The following SNCG variants were observed in gnomAD, a reference collection of about 807,000 sequenced individuals.
SNCG encodes synuclein gamma, also known as gamma-synuclein.
A neutral mutation model predicts 16.0 loss-of-function variants in SNCG; 13 were observed. That is an observed-to-expected ratio of 0.81 (90% CI 0.53 to 1.29). The LOEUF is 1.29. SNCG is among the 50% of genes most tolerant of loss of function. SNCG has a pLI of 0.00. For synonymous variants in SNCG, 66 were observed against 66.3 expected, an observed-to-expected ratio of 1.00 and a Z score of 0.02; for missense variants, 154 against 168.5, an observed-to-expected ratio of 0.91 and a Z score of 0.48.
upstream of SNCG, among the ~76,000 whole-genome samples, chr10:86,956,143 C>G (rs1223668757): frequency 6.6e-6 from 1 of 151,326 alleles, no homozygotes; most frequent in South Asian, 2.1e-4. Context: ...GCCCCTCCCC[C>G]GCCCCCTGCT....
Position 86,960,003 on chromosome 10 carries a change from G to A in SNCG, c.166G>A (p.Ala56Thr). 6.3e-7 allele frequency: 1 copy of A among 1,595,430 alleles called. No homozygotes were observed. ...GGCCAGCCAGTGTCCTCCCATAGTG[G>A]CCGAGAAGACCAAGGAGCAGGCCAA... Reference protein sequence around the residue: ...ENVVQSVTSVAEKTKEQANAV... With the variant: ...ENVVQSVTSVTEKTKEQANAV... Residue 56 changes from alanine (A) to threonine (T), a missense_variant and splice_region_variant, in exon 3 of 5, where the codon GCC becomes ACC. By Grantham distance (58) the Ala-to-Thr change is moderately conservative. Transcript: ENST00000372017.
In SNCG at chr10:86,959,493, T is replaced by G; in HGVS notation, c.122-140T>G. The G allele has an allele frequency of 1.4e-6, 1 of 714,010 alleles. No individual in the cohort carries two copies. Among genetic ancestry groups the G allele is most frequent in the East Asian group, 2.7e-5 (1 of 37,212 alleles). The allele number at this position is 714,010 out of a possible 1,614,324, so 44.2% of individuals were successfully genotyped here. A position where few individuals can be genotyped will look rare whatever the true frequency, so the allele number is the denominator to read the frequency against. On this transcript the variant is annotated intron_variant, in intron 1 of 4. Coordinates refer to ENST00000372017, the MANE Select transcript of SNCG (RefSeq NM_003087.3). This position sits in a 1 kb window ranked among gnomAD's most constrained non-coding sequence, Gnocchi z 4.3. ...CCAGACACAGCAGGAAGAGGCCCTC[T>G]GAAGGGGCCGCCGGCCCCCAGACAC...
intron 4 of SNCG, 100 bp downstream of exon 4, chr10:86,962,775 A>G: frequency 8.4e-7 from 1 of 1,195,598 alleles, no homozygotes; most frequent in African/African-American, 1.5e-5. Flanking sequence ...CAGGGCCCAG[A>G]GGGGCCTCCT....
At chr10:86,955,792 T>G (rs1278882632), upstream of SNCG, among the ~76,000 whole-genome samples, 1 of 152,054 alleles carries the variant, frequency 6.6e-6, no homozygotes, top group African/African-American at 2.4e-5. Flanking sequence ...CTTCTGGATG[T>G]GGGAAGGAGA....
rs1009390063 is a variant in SNCG at position 86,963,247 on chromosome 10, G to A, written c.*262G>A. On this transcript the variant is annotated 3_prime_UTR_variant, in exon 5 of 5. Coordinates refer to ENST00000372017, the MANE Select transcript of SNCG (RefSeq NM_003087.3). Reference sequence around the variant, plus strand: ...TTTTAAATGATTCCAAATAAAACTTGAGCCCACTCCTGCCATGCTTCCTCT... The same window carrying A: ...TTTTAAATGATTCCAAATAAAACTTAAGCCCACTCCTGCCATGCTTCCTCT... 73 of 405,196 alleles carry A rather than the reference G, an allele frequency of 1.8e-4. No homozygotes were observed. The highest frequency in any genetic ancestry group is 1.4e-3 in the African/African-American group (67 of 47,780). The allele number at this position is 405,196 out of a possible 1,614,324, so 25.1% of individuals were successfully genotyped here.
upstream of SNCG, chr10:86,957,327 T>G (rs764060589): frequency 6.3e-7 from 1 of 1,588,674 alleles, no homozygotes; most frequent in Non-Finnish European, 8.6e-7. Flanking sequence ...CTAGCTGAGC[T>G]GGGACTCAGA....
rs978190898 is a variant in SNCG at position 86,959,429 on chromosome 10, C to T, written c.122-204C>T. 2.3e-5 allele frequency: 14 copies of T among 606,730 alleles called. No homozygotes were observed. In the East Asian group the frequency reaches 3.9e-4, roughly 17 times the overall value. The allele number at this position is 606,730 out of a possible 1,614,324, so 37.6% of individuals were successfully genotyped here. On this transcript the variant is annotated intron_variant, in intron 1 of 4. Coordinates refer to ENST00000372017, the MANE Select transcript of SNCG (RefSeq NM_003087.3). The surrounding 1 kb of genome is among the most constrained non-coding windows in gnomAD (Gnocchi z 4.3). ...CTCAGGCCTGCTCTCTCTTGTCCCC[C>T]ACATTCTGTCCTGTCCCCTTCCCAT... is the stretch of plus-strand genomic sequence containing the variant.
chr10:86,961,872 C>T (rs946635429), intron 3 of SNCG, among the ~76,000 whole-genome samples: 41 of 152,366 alleles, frequency 2.7e-4, no homozygotes, highest in Middle Eastern at 3.4e-3. Context: ...CCGCCTCCCC[C>T]CCGTCCCCCG....
chr10:86,958,530 C>A, upstream of SNCG: 1 of 1,229,842 alleles, frequency 8.1e-7, no homozygotes, highest in Non-Finnish European at 1.0e-6. Context: ...CCCCACTGCA[C>A]GCAGGGCTGG....
Position 86,959,561 on chromosome 10 carries a change from C to A in SNCG, c.122-72C>A. Reference sequence around the variant, plus strand: ...CGACCCCACAGTTTGTCCAGCTGTTCTGTTGTGTTTGTCCTGACCGCCCCC... The same window carrying A: ...CGACCCCACAGTTTGTCCAGCTGTTATGTTGTGTTTGTCCTGACCGCCCCC... On this transcript the variant is annotated intron_variant, in intron 1 of 4. Coordinates refer to ENST00000372017, the MANE Select transcript of SNCG (RefSeq NM_003087.3). This position sits in a 1 kb window ranked among gnomAD's most constrained non-coding sequence, Gnocchi z 4.3. 7.3e-7 allele frequency: 1 copy of A among 1,364,020 alleles called. No individual in the cohort carries two copies. Among genetic ancestry groups the A allele is most frequent in the Non-Finnish European group, 1.0e-6 (1 of 955,864 alleles). 84.5% of individuals were successfully genotyped at this position (1,364,020 alleles called of 1,614,324 possible). A position where few individuals can be genotyped will look rare whatever the true frequency, so the allele number is the denominator to read the frequency against.
Position 86,959,558 on chromosome 10 carries a change from G to A in SNCG, c.122-75G>A. On this transcript the variant is annotated intron_variant, in intron 1 of 4. Transcript: ENST00000372017. This position sits in a 1 kb window ranked among gnomAD's most constrained non-coding sequence, Gnocchi z 4.3. The stretch of plus-strand genomic sequence containing the variant: ...CACCGACCCCACAGTTTGTCCAGCT[G>A]TTCTGTTGTGTTTGTCCTGACCGCC... 2 of 1,381,040 alleles carry A rather than the reference G, an allele frequency of 1.4e-6. No homozygotes were observed. Among genetic ancestry groups the A allele is most frequent in the Non-Finnish European group, 2.1e-6 (2 of 970,216 alleles). The allele number at this position is 1,381,040 out of a possible 1,614,324, so 85.5% of individuals were successfully genotyped here. A position where few individuals can be genotyped will look rare whatever the true frequency, so the allele number is the denominator to read the frequency against.
chr10:86,959,266 C>T lies in SNCG; in HGVS notation c.122-367C>T, dbSNP rs993258177. On this transcript the variant is annotated intron_variant, in intron 1 of 4. Coordinates refer to ENST00000372017, the MANE Select transcript of SNCG (RefSeq NM_003087.3). This position sits in a 1 kb window ranked among gnomAD's most constrained non-coding sequence, Gnocchi z 4.3. ...GGCTCAGTGTTCCCTCCCCCGCATCCTCTCCTGGCACTCTCCAGAGGAGGA... is the reference window on the plus strand; with the variant it reads ...GGCTCAGTGTTCCCTCCCCCGCATCTTCTCCTGGCACTCTCCAGAGGAGGA... 1.3e-5 allele frequency: 5 copies of T among 399,212 alleles called. No homozygotes were observed. The highest frequency in any genetic ancestry group is 8.3e-5 in the African/African-American group (4 of 48,132). 24.7% of individuals were successfully genotyped at this position (399,212 alleles called of 1,614,324 possible).
At chr10:86,961,592 C>G (rs1292714615) in intron 3 of SNCG, among the ~76,000 whole-genome samples, 2 of 152,136 alleles carry the variant, frequency 1.3e-5, no homozygotes, top group East Asian at 3.9e-4. Context: ...GCCCTTGGAG[C>G]CACCTCGAGG....
In SNCG at chr10:86,959,512, C is replaced by G; in HGVS notation, c.122-121C>G. 1.2e-6 allele frequency: 1 copy of G among 824,364 alleles called. No homozygotes were observed. The highest frequency in any genetic ancestry group is 1.7e-5 in the African/African-American group (1 of 58,786). The allele number at this position is 824,364 out of a possible 1,614,324, so 51.1% of individuals were successfully genotyped here. The stretch of plus-strand genomic sequence containing the variant: ...GCCCTCTGAAGGGGCCGCCGGCCCC[C>G]AGACACCATCCTTACCCCCCCACCG... On this transcript the variant is annotated intron_variant, in intron 1 of 4. Transcript: ENST00000372017. This position sits in a 1 kb window ranked among gnomAD's most constrained non-coding sequence, Gnocchi z 4.3.
At chr10:86,957,951 G>C (rs1316887395), upstream of SNCG, 1 of 1,029,842 alleles carries the variant, frequency 9.7e-7, no homozygotes, top group Non-Finnish European at 1.2e-6. Flanking sequence ...CCAGGAAATG[G>C]GGGGCAATTC....
At chr10:86,957,315 C>T (rs1844250837), upstream of SNCG, 1 of 1,563,434 alleles carries the variant, frequency 6.4e-7, no homozygotes, top group South Asian at 1.1e-5. Context: ...AGAGGCTCTG[C>T]TCTAGCTGAG....
At chr10:86,957,907 T>G, upstream of SNCG, 1 of 1,076,498 alleles carries the variant, frequency 9.3e-7, no homozygotes, top group Non-Finnish European at 1.1e-6. Flanking sequence ...GTCAGGTCCA[T>G]CTCAGGGGAC....
chr10:86,957,074 G>A (rs1201524993), upstream of SNCG, among the ~76,000 whole-genome samples: 1 of 152,228 alleles, frequency 6.6e-6, no homozygotes, highest in Non-Finnish European at 1.5e-5. Context: ...AGCTGGCAAT[G>A]GCTTCAGCCA....
chr10:86,958,598 G>A (rs1589311048), upstream of SNCG: 2 of 1,572,232 alleles, frequency 1.3e-6, no homozygotes, highest in Non-Finnish European at 1.7e-6. Context: ...GAGGCATCGG[G>A]GACAGCCGCT....
Sources: allele counts gnomAD v4.1 joint callset (sites outside exome capture counted in the v4.1 genomes callset), GRCh38; gene constraint gnomAD v4.1.1; non-coding constraint Gnocchi (gnomAD v3.1); transcripts MANE v1.5; gene names NCBI Gene and HGNC (gene_info 2026-07-23, HGNC 2026-07-21).